The following TASP1 variants were observed in gnomAD, a reference collection of about 807,000 sequenced individuals.
The protein encoded by TASP1 is threonine aspartase 1.
A neutral mutation model predicts 56.6 loss-of-function variants in TASP1; 16 were observed. That is an observed-to-expected ratio of 0.28 (90% CI 0.19 to 0.43). The LOEUF is 0.43. Ranked by LOEUF, TASP1 falls within the 20% of genes least tolerant of loss-of-function variation. The pLI, the probability that TASP1 is intolerant of heterozygous loss-of-function variation, is 1.00. For missense variants in TASP1, 393 were observed against 511.6 expected (o/e 0.77, Z 2.24); for synonymous variants, 179 against 184.2 (o/e 0.97, Z 0.23).
chr20:13,419,766 G>A (rs2042374941), intron 12 of TASP1, among the ~76,000 whole-genome samples: 1 of 152,168 alleles, frequency 6.6e-6, no homozygotes, highest in South Asian at 2.1e-4. Context: ...GCAAAATGGA[G>A]TTCCTCAGAT....
At chr20:13,312,692 G>A in the TASP1 span, among the ~76,000 whole-genome samples, 1 of 152,070 alleles carries the variant, frequency 6.6e-6, no homozygotes, top group East Asian at 1.9e-4. Context: ...AGCAAACTAT[G>A]GGGCCCCTGG....
chr20:13,107,552 T>C, the TASP1 span, among the ~76,000 whole-genome samples: 19 of 152,070 alleles, frequency 1.2e-4, no homozygotes, highest in African/African-American at 3.9e-4. Context: ...AAGAACACAA[T>C]AGTGATGCCA....
intron 4 of TASP1, among the ~76,000 whole-genome samples, chr20:13,612,107 T>C (rs959113106): frequency 1.3e-4 from 20 of 152,306 alleles, no homozygotes; most frequent in Non-Finnish European, 2.8e-4. Context: ...TTTATTATCA[T>C]GCTTAAATAT....
intron 12 of TASP1, 132 bp downstream of exon 12, chr20:13,434,912 G>A: frequency 1.7e-6 from 1 of 574,022 alleles, no homozygotes; most frequent in Non-Finnish European, 3.1e-6. Context: ...AGTAGAACAG[G>A]GATGTTCAGA....
the TASP1 span, among the ~76,000 whole-genome samples, chr20:13,251,069 T>A: frequency 1.3e-5 from 2 of 152,218 alleles, no homozygotes; most frequent in Non-Finnish European, 2.9e-5. Flanking sequence ...ATACCTTAGC[T>A]GTTCTGCTCC....
chr20:13,576,342 G>GAAGAAAGAGA (rs2046914218), intron 6 of TASP1, among the ~76,000 whole-genome samples: 1 of 131,650 alleles, frequency 7.6e-6, no homozygotes, highest in Admixed American at 8.1e-5. Context: ...AGAAAGAAAG[G>GAAGAAAGAGA]AAGAAAGAAA....
At chr20:13,375,545 T>C in the TASP1 span, among the ~76,000 whole-genome samples, 1 of 152,170 alleles carries the variant, frequency 6.6e-6, no homozygotes, top group East Asian at 1.9e-4. Context: ...AATAAACATA[T>C]GTGTGCATAT....
chr20:13,617,639 C>T (rs1002737336), intron 4 of TASP1, among the ~76,000 whole-genome samples: 7 of 152,090 alleles, frequency 4.6e-5, no homozygotes, highest in Non-Finnish European at 1.0e-4. Context: ...TAAAAATGTA[C>T]AGGAAACTGG....
At chr20:13,500,691 G>A (rs1335821359) in intron 10 of TASP1, among the ~76,000 whole-genome samples, 2 of 152,008 alleles carry the variant, frequency 1.3e-5, no homozygotes, top group Non-Finnish European at 2.9e-5. Flanking sequence ...CATTGAACTT[G>A]ATATAGTCAT....
chr20:13,416,472 C>A (rs2042258401), intron 13 of TASP1, among the ~76,000 whole-genome samples: 2 of 152,116 alleles, frequency 1.3e-5, no homozygotes, highest in South Asian at 4.1e-4. Context: ...TTCTGTGGAG[C>A]TACAGGCTGG....
chr20:13,279,731 G>A, the TASP1 span: 316 of 1,613,990 alleles, frequency 2.0e-4, no homozygotes, highest in Non-Finnish European at 2.4e-4. Flanking sequence ...CCCGACTGGC[G>A]GGCCTGGTGG....
At chr20:13,364,851 G>A in the TASP1 span, among the ~76,000 whole-genome samples, 21 of 152,182 alleles carry the variant, frequency 1.4e-4, no homozygotes, top group Non-Finnish European at 2.8e-4. Context: ...GCAGGTTTCT[G>A]TGCATGTGCA....
intron 13 of TASP1, among the ~76,000 whole-genome samples, chr20:13,405,011 C>T (rs529531117): frequency 2.0e-3 from 308 of 151,994 alleles, no homozygotes; most frequent in Non-Finnish European, 3.2e-3. Context: ...TCAGTTATAC[C>T]CCAATAACCT....
chr20:13,567,126 C>T (rs180931242), intron 7 of TASP1, among the ~76,000 whole-genome samples: 59 of 152,060 alleles, frequency 3.9e-4, no homozygotes, highest in Non-Finnish European at 4.0e-4. Flanking sequence ...GTCTTTAGCA[C>T]GAGCATGGAT....
intron 13 of TASP1, chr20:13,392,817 A>G (rs2123576973): frequency 1.6e-6 from 1 of 640,610 alleles, no homozygotes; most frequent in South Asian, 1.4e-5. Flanking sequence ...ACATGTTCCC[A>G]TATGATTCCA....
intron 8 of TASP1, among the ~76,000 whole-genome samples, chr20:13,539,229 A>C (rs999815127): frequency 1.4e-4 from 21 of 152,208 alleles, no homozygotes; most frequent in African/African-American, 4.8e-4. Context: ...GTCTATTCTT[A>C]AGTAATCTTT....
At chr20:13,499,012 C>T (rs111519436) in intron 10 of TASP1, among the ~76,000 whole-genome samples, 12 of 152,186 alleles carry the variant, frequency 7.9e-5, no homozygotes, top group African/African-American at 2.9e-4. Context: ...GGCACATGCA[C>T]TCATATGTTC....
chr20:13,382,323 A>T, the TASP1 span, among the ~76,000 whole-genome samples: 1 of 152,232 alleles, frequency 6.6e-6, no homozygotes, highest in African/African-American at 2.4e-5. Context: ...CTGTCATCCC[A>T]GAAGTAGAAC....
Position 13,621,362 on chromosome 20 carries a change from C to G in TASP1, c.282+2084G>C, listed in dbSNP as rs556873739. 3.3e-5 allele frequency among the ~76,000 whole-genome samples: 5 copies of G among 152,162 alleles called. No homozygotes were observed. In the East Asian group the frequency reaches 9.7e-4, roughly 29 times the overall value. Reference sequence around the variant, plus strand: ...ACAAGAATCACTTGAGCCTGGGAGGCAGAGGTTGCAGTGAGCCAAGATCGC... The same window carrying G: ...ACAAGAATCACTTGAGCCTGGGAGGGAGAGGTTGCAGTGAGCCAAGATCGC... On this transcript the variant is annotated intron_variant, in intron 4 of 13. Transcript: ENST00000337743.
Sources: allele counts gnomAD v4.1 joint callset (sites outside exome capture counted in the v4.1 genomes callset), GRCh38; gene constraint gnomAD v4.1.1; transcripts MANE v1.5; gene names NCBI Gene and HGNC (gene_info 2026-07-23, HGNC 2026-07-21).